The following FAM227B variants were observed in gnomAD, a reference collection of about 807,000 sequenced individuals.
FAM227B encodes the protein family with sequence similarity 227 member B.
FAM227B carries 88 observed loss-of-function variants against 73.8 expected under a neutral mutation model. The ratio of observed to expected loss-of-function variants is 1.19; its 90% confidence interval spans 1.00 to 1.42. The LOEUF (loss-of-function observed/expected upper bound fraction) is 1.42. Ranked by LOEUF, FAM227B falls within the 40% of genes most tolerant of loss-of-function variation. FAM227B has a pLI of 0.00. For missense variants in FAM227B, 632 were observed against 590.9 expected, an observed-to-expected ratio of 1.07 and a Z score of -0.72; for synonymous variants, 210 against 190.5, an observed-to-expected ratio of 1.10 and a Z score of -0.84.
chr15:49,507,020 A>T (rs1402177633), intron 11 of FAM227B, among the ~76,000 whole-genome samples: 5 of 152,054 alleles, frequency 3.3e-5, no homozygotes, highest in Admixed American at 6.6e-5. Flanking sequence ...GTCAAAACAG[A>T]TAAACAAAAT....
intron 11 of FAM227B, among the ~76,000 whole-genome samples, chr15:49,457,315 C>A (rs1451841081): frequency 6.6e-6 from 1 of 151,832 alleles, no homozygotes; most frequent in African/African-American, 2.4e-5. Flanking sequence ...ATCAAATCAG[C>A]GTGTAAACTA....
chr15:49,346,440 T>G lies in FAM227B; in HGVS notation c.1272-10944A>C, dbSNP rs1383589445. Among the ~76,000 whole-genome samples the G allele has an allele frequency of 2.6e-5, 4 of 152,282 alleles. No individual in the cohort carries two copies. The South Asian group carries it at 6.2e-4, about 24-fold the overall frequency. On this transcript the variant is annotated intron_variant, in intron 13 of 15. Transcript: ENST00000299338. ...ACACCTAAGGCCACCCCCATTTCCC[T>G]AACCCAAAAATATCCCTAAGCCTTA... is the stretch of plus-strand genomic sequence containing the variant.
At chr15:49,541,383 T>C (rs79141510) in intron 10 of FAM227B, among the ~76,000 whole-genome samples, 1,776 of 152,238 alleles carry the variant, frequency 0.012, 36 homozygotes, top group African/African-American at 0.041. Context: ...GTTTAAAACA[T>C]GTATGGTCCA....
At chr15:49,570,847 A>C (rs938969890) in intron 8 of FAM227B, among the ~76,000 whole-genome samples, 12 of 147,408 alleles carry the variant, frequency 8.1e-5, no homozygotes, top group African/African-American at 2.9e-4. Context: ...ATATAAATAT[A>C]TTTAAATATA....
intron 5 of FAM227B, among the ~76,000 whole-genome samples, chr15:49,578,744 T>G (rs1407622300): frequency 1.3e-4 from 20 of 152,114 alleles, no homozygotes; most frequent in Admixed American, 1.3e-3. Flanking sequence ...AGATCAAATA[T>G]GATTGGAAAG....
At chr15:49,532,653 A>C (rs2060697855) in intron 10 of FAM227B, among the ~76,000 whole-genome samples, 1 of 148,202 alleles carries the variant, frequency 6.7e-6, no homozygotes, top group Non-Finnish European at 1.5e-5. Flanking sequence ...TTTTCCAATT[A>C]TAATCGTAAT....
At chr15:49,387,776 G>C (rs2151554259) in intron 11 of FAM227B, among the ~76,000 whole-genome samples, 1 of 151,898 alleles carries the variant, frequency 6.6e-6, no homozygotes, top group East Asian at 1.9e-4. Flanking sequence ...AACGAATTCA[G>C]TAAAGTCTCA....
intron 11 of FAM227B, among the ~76,000 whole-genome samples, chr15:49,502,748 G>C (rs570960328): frequency 6.6e-6 from 1 of 152,276 alleles, no homozygotes; most frequent in South Asian, 2.1e-4. Flanking sequence ...GGAGGGGTCA[G>C]TGGTGAAATG....
chr15:49,615,388 T>C, intron 1 of FAM227B, 145 bp from the exon 2 acceptor site: 1 of 580,040 alleles, frequency 1.7e-6, no homozygotes, highest in Non-Finnish European at 3.1e-6. Flanking sequence ...GTTGAACTGT[T>C]GGAATCCCCA....
intron 3 of FAM227B, among the ~76,000 whole-genome samples, chr15:49,595,189 A>T (rs184336998): frequency 6.6e-6 from 1 of 151,814 alleles, no homozygotes; most frequent in African/African-American, 2.4e-5. Flanking sequence ...TTTATATTGT[A>T]TTAATTTAAT....
intron 12 of FAM227B, among the ~76,000 whole-genome samples, chr15:49,370,385 T>G (rs1372243509): frequency 6.6e-6 from 1 of 152,226 alleles, no homozygotes; most frequent in Non-Finnish European, 1.5e-5. Context: ...CAATTTTTAT[T>G]ACTTATCTCT....
intron 11 of FAM227B, among the ~76,000 whole-genome samples, chr15:49,413,354 A>T (rs950952065): frequency 1.9e-4 from 29 of 151,952 alleles, no homozygotes; most frequent in Non-Finnish European, 2.4e-4. Context: ...AAGACCTGAC[A>T]TGCTCCTCCT....
intron 13 of FAM227B, chr15:49,365,007 T>C: frequency 4.4e-6 from 2 of 457,132 alleles, no homozygotes; most frequent in South Asian, 5.6e-5. Flanking sequence ...CATAAAAATA[T>C]ATATTTGCAA....
At chr15:49,489,858 T>TA (rs1177680830) in intron 11 of FAM227B, among the ~76,000 whole-genome samples, 341 of 7,350 alleles carry the variant, frequency 0.046, 36 homozygotes, top group East Asian at 0.22. Flanking sequence ...TATATATATA[T>TA]TTTATATATA....
intron 3 of FAM227B, among the ~76,000 whole-genome samples, chr15:49,609,104 T>A (rs2077717416): frequency 1.3e-5 from 2 of 151,844 alleles, no homozygotes; most frequent in South Asian, 4.1e-4. Flanking sequence ...AGTAACTAAA[T>A]GAGTGAATGA....
chr15:49,541,470 T>C (rs1042262614), intron 10 of FAM227B, among the ~76,000 whole-genome samples: 2 of 152,138 alleles, frequency 1.3e-5, no homozygotes, highest in South Asian at 2.1e-4. Context: ...TATAAGATAT[T>C]TGGCTCTAAA....
chr15:49,357,970 G>A (rs959864751), intron 13 of FAM227B, among the ~76,000 whole-genome samples: 4 of 151,894 alleles, frequency 2.6e-5, no homozygotes, highest in African/African-American at 9.7e-5. Flanking sequence ...CATATAAACA[G>A]AGCCAAAGAC....
At chr15:49,341,787 C>T (rs2040766704) in intron 13 of FAM227B, among the ~76,000 whole-genome samples, 4 of 152,070 alleles carry the variant, frequency 2.6e-5, no homozygotes, top group Admixed American at 2.6e-4. Context: ...TCCTTTCTGC[C>T]TTAATTTCAT....
chr15:49,341,936 T>G (rs2040793650), intron 13 of FAM227B, among the ~76,000 whole-genome samples: 1 of 152,232 alleles, frequency 6.6e-6, no homozygotes, highest in African/African-American at 2.4e-5. Flanking sequence ...TTATCAAAAC[T>G]GCTTTATGGC....
Sources: allele counts gnomAD v4.1 joint callset (sites outside exome capture counted in the v4.1 genomes callset), GRCh38; gene constraint gnomAD v4.1.1; transcripts MANE v1.5; gene names NCBI Gene and HGNC (gene_info 2026-07-23, HGNC 2026-07-21).